The following MYO1B variants were observed in gnomAD, a reference collection of about 807,000 sequenced individuals.
The protein encoded by MYO1B is myosin IB, also known as unconventional myosin-Ib.
In MYO1B, 72 loss-of-function variants were observed where a neutral mutation model predicts 159.7. The observed-to-expected ratio is 0.45, with a 90% confidence interval of 0.37 to 0.55. MYO1B has a LOEUF of 0.55. Ranked by LOEUF, MYO1B falls within the 20% of genes least tolerant of loss-of-function variation. The pLI, the probability that MYO1B is intolerant of heterozygous loss-of-function variation, is 0.00. For missense variants in MYO1B, 1,062 were observed against 1,364.8 expected, an observed-to-expected ratio of 0.78 and a Z score of 3.50; for synonymous variants, 468 against 473.8, an observed-to-expected ratio of 0.99 and a Z score of 0.16.
chr2:191,397,607 C>G (rs546562852), intron 21 of MYO1B, among the ~76,000 whole-genome samples: 1 of 149,436 alleles, frequency 6.7e-6, no homozygotes, highest in East Asian at 2.1e-4. Context: ...CACACAGACC[C>G]GGCAACCATC....
intron 4 of MYO1B, among the ~76,000 whole-genome samples, chr2:191,336,559 A>T (rs148744658): frequency 6.6e-6 from 1 of 152,234 alleles, no homozygotes; most frequent in African/African-American, 2.4e-5. Flanking sequence ...CAATAAAAAC[A>T]TCACCAGTTG....
chr2:191,380,419 G>C (rs1694970308), intron 13 of MYO1B, among the ~76,000 whole-genome samples: 1 of 152,200 alleles, frequency 6.6e-6, no homozygotes, highest in African/African-American at 2.4e-5. Context: ...CATTGTGGGA[G>C]AAGAGTCCAG....
At chr2:191,330,661 G>A (rs1008542119) in intron 4 of MYO1B, among the ~76,000 whole-genome samples, 1 of 152,164 alleles carries the variant, frequency 6.6e-6, no homozygotes, top group African/African-American at 2.4e-5. Flanking sequence ...ATTCAGAAGA[G>A]CCACATTCTC....
chr2:191,270,654 T>C (rs1278228239), intron 1 of MYO1B, among the ~76,000 whole-genome samples: 1 of 152,236 alleles, frequency 6.6e-6, no homozygotes. Context: ...CTCATTATAT[T>C]AGGTACTGAA....
At chr2:191,331,148 T>G (rs1023178756) in intron 4 of MYO1B, among the ~76,000 whole-genome samples, 1 of 152,112 alleles carries the variant, frequency 6.6e-6, no homozygotes, top group African/African-American at 2.4e-5. Flanking sequence ...GCCCCCTTTC[T>G]TGAGCTCTTT....
chr2:191,278,433 C>T (rs1687870872), intron 2 of MYO1B, among the ~76,000 whole-genome samples: 1 of 152,224 alleles, frequency 6.6e-6, no homozygotes. Context: ...GAGACCACAG[C>T]ACCAAACATG....
intron 21 of MYO1B, 149 bp from the exon 22 acceptor site, chr2:191,400,233 G>T: frequency 1.3e-6 from 1 of 790,394 alleles, no homozygotes; most frequent in East Asian, 2.7e-5. Context: ...TAGTCAGTTT[G>T]GGGCTAGTCA....
intron 2 of MYO1B, among the ~76,000 whole-genome samples, chr2:191,278,670 A>T (rs751098007): frequency 1.3e-5 from 2 of 152,248 alleles, no homozygotes; most frequent in African/African-American, 2.4e-5. Flanking sequence ...CAAATGGAAA[A>T]GGTATAAAAC....
Position 191,263,257 on chromosome 2 carries a change from C to G in MYO1B, c.-9-13630C>G, listed in dbSNP as rs189573395. 2.6e-5 allele frequency: 24 copies of G among 933,838 alleles called. No individual in the cohort carries two copies. In the African/African-American group the frequency reaches 4.1e-4, roughly 16 times the overall value. 57.8% of individuals were successfully genotyped at this position (933,838 alleles called of 1,614,324 possible). On this transcript the variant is annotated intron_variant, in intron 1 of 30. Coordinates refer to ENST00000392318, the MANE Select transcript of MYO1B (RefSeq NM_001130158.3). ...TATTGACCTACTTTCCCCTTCTTAT[C>G]TGCTTGCAAAATATTTGTTGTACTT...
intron 2 of MYO1B, among the ~76,000 whole-genome samples, chr2:191,295,308 C>T (rs1688918993): frequency 1.3e-5 from 2 of 152,024 alleles, no homozygotes; most frequent in South Asian, 4.1e-4. Flanking sequence ...CTGGTGCTGC[C>T]AGGAATTTAG....
chr2:191,392,952 G>A, intron 19 of MYO1B, 121 bp from the exon 20 acceptor site: 1 of 816,012 alleles, frequency 1.2e-6, no homozygotes, highest in Middle Eastern at 3.1e-4. Context: ...TGGTTTTTCA[G>A]TTCTTTTTTT....
rs912279612 is a variant in MYO1B at position 191,297,456 on chromosome 2, A to T, written c.251+1230A>T. ...ATAACGTATGCAAAAGTGCCTTGGA[A>T]GGTGTCAAGCATTCTACAAAGTTAT... On this transcript the variant is annotated intron_variant, in intron 3 of 30. Coordinates refer to ENST00000392318, the MANE Select transcript of MYO1B (RefSeq NM_001130158.3). Among the ~76,000 whole-genome samples the T allele has an allele frequency of 2.2e-4, 33 of 152,220 alleles. 1 individual carries two copies. The highest frequency in any genetic ancestry group is 4.3e-4 in the Non-Finnish European group (29 of 68,040).
At chr2:191,309,983 A>G (rs1277001979) in intron 3 of MYO1B, among the ~76,000 whole-genome samples, 1 of 152,346 alleles carries the variant, frequency 6.6e-6, no homozygotes, top group Middle Eastern at 3.4e-3. Context: ...GAGTGAGTGA[A>G]TGAATGAATA....
chr2:191,400,918 G>T, intron 23 of MYO1B, 83 bp downstream of exon 23: 1 of 1,305,038 alleles, frequency 7.7e-7, no homozygotes, highest in Non-Finnish European at 1.1e-6. Context: ...GGGGATGAAT[G>T]ACTACAATTA....
At chr2:191,265,382 A>G (rs1396687810) in intron 1 of MYO1B, among the ~76,000 whole-genome samples, 1 of 152,176 alleles carries the variant, frequency 6.6e-6, no homozygotes, top group Non-Finnish European at 1.5e-5. Context: ...GAGTGATTGC[A>G]TGATCCGATC....
intron 17 of MYO1B, 199 bp downstream of exon 17, chr2:191,387,649 A>G: frequency 6.6e-6 from 4 of 610,474 alleles, no homozygotes; most frequent in Non-Finnish European, 1.2e-5. Context: ...GTAAAAAAGT[A>G]AAGTGTGGTG....
chr2:191,424,976 C>T lies in MYO1B; in HGVS notation c.*1016C>T, dbSNP rs1698139958. On this transcript the variant is annotated 3_prime_UTR_variant, in exon 31 of 31. Transcript: ENST00000392318. ...TGAGAAAGGTGATTGGTACAGGGTGCCTATTTTAGTCATGGATCAAAATTT... is the reference window on the plus strand; with the variant it reads ...TGAGAAAGGTGATTGGTACAGGGTGTCTATTTTAGTCATGGATCAAAATTT... The T allele has an allele frequency of 6.6e-6, 1 of 152,390 alleles. No individual in the cohort carries two copies. The highest frequency in any genetic ancestry group is 1.5e-5 in the Non-Finnish European group (1 of 67,936). The allele number at this position is 152,390 out of a possible 1,614,324, so 9.4% of individuals were successfully genotyped here.
intron 16 of MYO1B, among the ~76,000 whole-genome samples, chr2:191,386,787 A>C (rs1334494362): frequency 1.3e-5 from 2 of 152,210 alleles, no homozygotes; most frequent in East Asian, 3.8e-4. Flanking sequence ...GTATATTATT[A>C]AAAGATAATT....
chr2:191,408,251 C>A, intron 25 of MYO1B, 62 bp downstream of exon 25: 2 of 1,195,588 alleles, frequency 1.7e-6, no homozygotes, highest in South Asian at 1.3e-5. Context: ...CTAATATCAC[C>A]AACTCCATAA....
Sources: gnomAD v4.1 joint callset for allele counts (sites outside exome capture counted in the v4.1 genomes callset) on GRCh38, gnomAD v4.1.1 for gene constraint, MANE v1.5 for transcripts, NCBI Gene and HGNC (gene_info 2026-07-23, HGNC 2026-07-21) for gene names.